The following DSC2 variants were observed in gnomAD, a reference collection of about 807,000 sequenced individuals.
The protein encoded by DSC2 is desmocollin-2.
Under a neutral mutation model 87.6 loss-of-function variants are expected in DSC2, and 51 were observed. That is an observed-to-expected ratio of 0.58 (90% CI 0.46 to 0.74). The LOEUF is 0.74. Among genes scored for constraint, DSC2 ranks in the 30% least tolerant of loss-of-function variants. The pLI, the probability that DSC2 is intolerant of heterozygous loss-of-function variation, is 0.00. For missense variants in DSC2, 1,066 were observed against 1,089.5 expected (o/e 0.98, Z 0.30); for synonymous variants, 383 against 393.2 (o/e 0.97, Z 0.31).
chr18:31,098,462 CT>C (rs931406788), intron 1 of DSC2, among the ~76,000 whole-genome samples: 9 of 149,392 alleles, frequency 6.0e-5, no homozygotes, highest in Non-Finnish European at 1.2e-4. Context: ...AAATTAGACA[CT>C]TTTTTTTTTC....
chr18:31,101,728 C>T (rs1168469220), intron 1 of DSC2, 175 bp downstream of exon 1: 5 of 653,082 alleles, frequency 7.7e-6, no homozygotes, highest in South Asian at 5.7e-5. Context: ...TCTCAGGTCG[C>T]GATCCTCTTC....
At position 31,065,368 on chromosome 18, in the gene DSC2, T is replaced by A. The variant is rs1425639678; in HGVS notation, c.*2647A>T. The A allele has an allele frequency of 6.6e-6, 1 of 152,278 alleles. No individual in the cohort carries two copies. The highest frequency in any genetic ancestry group is 1.5e-5 in the Non-Finnish European group (1 of 68,068). 9.4% of individuals were successfully genotyped at this position (152,278 alleles called of 1,614,324 possible). A position where few individuals can be genotyped will look rare whatever the true frequency, so the allele number is the denominator to read the frequency against. ...AATAGCAGTGGCTAAGGTACATGAT[T>A]GAGTGCTAACTCTATGCCAACTCTT... is the stretch of plus-strand genomic sequence containing the variant. On this transcript the variant is annotated 3_prime_UTR_variant, in exon 16 of 16. Coordinates refer to ENST00000280904, the MANE Select transcript of DSC2 (RefSeq NM_024422.6).
At chr18:31,097,565 A>C (rs1567985222) in intron 1 of DSC2, among the ~76,000 whole-genome samples, 2 of 151,874 alleles carry the variant, frequency 1.3e-5, no homozygotes, top group Non-Finnish European at 2.9e-5. Flanking sequence ...TAAGGAAAAA[A>C]TAAAAAATTA....
chr18:31,075,731 T>C (rs943113556), intron 11 of DSC2, among the ~76,000 whole-genome samples: 1 of 152,054 alleles, frequency 6.6e-6, no homozygotes, highest in East Asian at 1.9e-4. Flanking sequence ...ATGCCTATAA[T>C]ATCAGCTACT....
At chr18:31,084,490 G>T (rs1987330886) in intron 7 of DSC2, among the ~76,000 whole-genome samples, 2 of 152,080 alleles carry the variant, frequency 1.3e-5, no homozygotes, top group South Asian at 4.1e-4. Context: ...CTAAAAGGTT[G>T]TAGGCAACTG....
In DSC2 at chr18:31,080,116, T is replaced by C. The variant is rs1987161358; in HGVS notation, c.1500A>G (p.Thr500=). ...AGTACCTTATGCCACTGCTACTTCT[T>C]GTTTCTGGGTCATATGCTTTATATC... The part of the protein sequence containing the change: ...SNGYKAYDPE[T]RSSSGIRYKK... Residue 500 remains threonine (T), a synonymous_variant, in exon 10 of 16, where the codon ACA becomes ACG. Coordinates refer to ENST00000280904, the MANE Select transcript of DSC2 (RefSeq NM_024422.6). 1 of 1,613,948 alleles carries C rather than the reference T, an allele frequency of 6.2e-7. No homozygotes were observed. Among genetic ancestry groups the C allele is most frequent in the South Asian group, 1.1e-5 (1 of 91,092 alleles).
At chr18:31,093,108 TA>T (rs1459077865) in intron 2 of DSC2, among the ~76,000 whole-genome samples, 1 of 152,222 alleles carries the variant, frequency 6.6e-6, no homozygotes, top group Non-Finnish European at 1.5e-5. Flanking sequence ...AATTTTAAAA[TA>T]CCACAGCAAA....
intron 11 of DSC2, among the ~76,000 whole-genome samples, chr18:31,075,809 C>A (rs1986995974): frequency 6.6e-6 from 1 of 151,978 alleles, no homozygotes; most frequent in Non-Finnish European, 1.5e-5. Flanking sequence ...GAGATCACAC[C>A]ATTGCACTCC....
At chr18:31,075,524 T>C (rs1986985224) in intron 11 of DSC2, among the ~76,000 whole-genome samples, 1 of 152,212 alleles carries the variant, frequency 6.6e-6, no homozygotes, top group African/African-American at 2.4e-5. Context: ...GGTTGTAGCC[T>C]AAGTAATTCA....
intron 9 of DSC2, among the ~76,000 whole-genome samples, chr18:31,081,284 T>C (rs1046835719): frequency 1.3e-5 from 2 of 152,164 alleles, no homozygotes; most frequent in African/African-American, 4.8e-5. Flanking sequence ...CCATTCCAGT[T>C]CCTGTCTTAA....
At chr18:31,091,969 A>G in intron 3 of DSC2, 132 bp downstream of exon 3, 2 of 841,216 alleles carry the variant, frequency 2.4e-6, no homozygotes, top group South Asian at 3.6e-5. Flanking sequence ...AACACTGTGA[A>G]GTTGCCTCAT....
rs1987979563 is a variant in DSC2 at position 31,101,974 on chromosome 18, A to T, written c.-3T>A. On this transcript the variant is annotated 5_prime_UTR_variant, in exon 1 of 16. Coordinates refer to ENST00000280904, the MANE Select transcript of DSC2 (RefSeq NM_024422.6). ...CCGGAGGGGCGGGCTGCCTCCATGG[A>T]GAGGGCTCGGGGCAGGTCGCGGGCC... The T allele has an allele frequency of 6.6e-7, 1 of 1,522,590 alleles. No homozygotes were observed. The highest frequency in any genetic ancestry group is 8.8e-7 in the Non-Finnish European group (1 of 1,140,948). The allele number at this position is 1,522,590 out of a possible 1,614,324, so 94.3% of individuals were successfully genotyped here.
rs910606576 is a variant in DSC2, at chr18:31,065,310, G to T, written c.*2705C>A. 1 of 152,200 alleles carries T rather than the reference G, an allele frequency of 6.6e-6. No homozygotes were observed. The highest frequency in any genetic ancestry group is 2.4e-5 in the African/African-American group (1 of 41,428). 9.4% of individuals were successfully genotyped at this position (152,200 alleles called of 1,614,324 possible). ...GCAGAGTGGAGACTGAAGCTAAATT[G>T]TTCCCAACTCAGGCGTTCTCTGCTC... On this transcript the variant is annotated 3_prime_UTR_variant, in exon 16 of 16. Coordinates refer to ENST00000280904, the MANE Select transcript of DSC2 (RefSeq NM_024422.6).
At chr18:31,087,137 T>C (rs554346212) in intron 6 of DSC2, among the ~76,000 whole-genome samples, 1 of 152,286 alleles carries the variant, frequency 6.6e-6, no homozygotes, top group South Asian at 2.1e-4. Context: ...CTAGACAAGG[T>C]CTCCAAAACT....
chr18:31,071,899 C>CATAA (rs1986850470), intron 12 of DSC2, 58 bp from the exon 13 acceptor site: 8 of 1,412,176 alleles, frequency 5.7e-6, no homozygotes, highest in African/African-American at 1.4e-5. Context: ...TTCTTCTGAA[C>CATAA]ATAAATAACT....
intron 4 of DSC2, among the ~76,000 whole-genome samples, chr18:31,090,576 A>G (rs111729123): frequency 3.3e-5 from 5 of 152,198 alleles, no homozygotes; most frequent in East Asian, 3.9e-4. Flanking sequence ...AAGAAACAAA[A>G]AGAGACAGAG....
intron 12 of DSC2, among the ~76,000 whole-genome samples, chr18:31,073,589 T>C (rs1240999463): frequency 6.6e-6 from 1 of 152,196 alleles, no homozygotes; most frequent in East Asian, 1.9e-4. Context: ...TTGAGGGATA[T>C]TCACTGAAAG....
chr18:31,095,058 C>G (rs1987720437), intron 1 of DSC2, among the ~76,000 whole-genome samples: 3 of 152,152 alleles, frequency 2.0e-5, no homozygotes, highest in Admixed American at 2.0e-4. Flanking sequence ...CACAAATGCA[C>G]AAATGTCACA....
chr18:31,099,192 A>G (rs1015426838), intron 1 of DSC2, among the ~76,000 whole-genome samples: 1 of 152,188 alleles, frequency 6.6e-6, no homozygotes, highest in Non-Finnish European at 1.5e-5. Flanking sequence ...TGATATTTTA[A>G]GCTATAAAAG....
Sources: gnomAD v4.1 joint callset for allele counts (sites outside exome capture counted in the v4.1 genomes callset) on GRCh38, gnomAD v4.1.1 for gene constraint, MANE v1.5 for transcripts, NCBI Gene and HGNC (gene_info 2026-07-23, HGNC 2026-07-21) for gene names.